Variants in LRRC8D observed in about 807,000 individuals in gnomAD.
The protein encoded by LRRC8D is leucine rich repeat containing 8 VRAC subunit D, also known as volume-regulated anion channel subunit LRRC8D.
In LRRC8D, 20 loss-of-function variants were observed where a neutral mutation model predicts 55.8. The observed-to-expected ratio is 0.36, with a 90% confidence interval of 0.25 to 0.52. LRRC8D has a LOEUF of 0.52. LRRC8D is among the 20% of genes least tolerant of loss of function. LRRC8D has a pLI of 0.93. For synonymous variants in LRRC8D, 352 were observed against 377.0 expected (o/e 0.93, Z 0.77); for missense variants, 651 against 1,030.8 (o/e 0.63, Z 5.05).
rs1557492135 is a variant in LRRC8D, at chr1:89,934,905, C to G, written c.1837C>G (p.Leu613Val). ...CAACATTACAGATGTGGCTCCACATCTTACAAAGTTAGTCATTCATAATGA... is the reference window on the plus strand; with the variant it reads ...CAACATTACAGATGTGGCTCCACATGTTACAAAGTTAGTCATTCATAATGA... ...PSNITDVAPH[L>V]TKLVIHNDGT... The change falls in exon 3 of 3, where the codon CTT (leucine) becomes GTT (valine). Residue 613 changes from leucine to valine, a missense_variant. This residue lies in a region of LRRC8D where 338 missense variants were observed against 479.4 expected (regional missense o/e 0.71). Coordinates refer to ENST00000337338, the MANE Select transcript of LRRC8D (RefSeq NM_001134479.2). The surrounding 1 kb of genome is among the most constrained non-coding windows in gnomAD (Gnocchi z 5.9). The G allele has an allele frequency of 1.2e-6, 2 of 1,614,030 alleles. No homozygotes were observed. The highest frequency in any genetic ancestry group is 2.7e-5 in the African/African-American group (2 of 74,936).
intron 2 of LRRC8D, among the ~76,000 whole-genome samples, chr1:89,871,737 A>G (rs772235182): frequency 6.6e-6 from 1 of 152,230 alleles, no homozygotes; most frequent in Non-Finnish European, 1.5e-5. Flanking sequence ...ATTTGAAAAT[A>G]TTGGCAACCC....
At chr1:89,845,617 A>G (rs955253122) in intron 2 of LRRC8D, among the ~76,000 whole-genome samples, 3 of 151,718 alleles carry the variant, frequency 2.0e-5, no homozygotes, top group Admixed American at 6.5e-5. Context: ...TTGTATTTTT[A>G]GTAGAGACAG....
At chr1:89,921,250 A>G (rs1324612836) in intron 2 of LRRC8D, among the ~76,000 whole-genome samples, 1 of 152,168 alleles carries the variant, frequency 6.6e-6, no homozygotes. Flanking sequence ...AGGTAGGAGA[A>G]TCACCTGAGC....
intron 2 of LRRC8D, among the ~76,000 whole-genome samples, chr1:89,897,886 A>G (rs560536620): frequency 1.3e-5 from 2 of 152,228 alleles, no homozygotes; most frequent in African/African-American, 4.8e-5. Flanking sequence ...CAGTGGAGGT[A>G]GAGGCTGGGA....
At chr1:89,921,821 A>C (rs972121213) in intron 2 of LRRC8D, among the ~76,000 whole-genome samples, 1 of 151,128 alleles carries the variant, frequency 6.6e-6, no homozygotes, top group African/African-American at 2.4e-5. Context: ...TGGGATTACA[A>C]GCGTGAGCCA....
chr1:89,844,596 C>G (rs796273063), intron 2 of LRRC8D, among the ~76,000 whole-genome samples: 3 of 152,314 alleles, frequency 2.0e-5, no homozygotes, highest in African/African-American at 7.2e-5. Flanking sequence ...TGACTTTTCT[C>G]AAATTCACCA....
intron 2 of LRRC8D, among the ~76,000 whole-genome samples, chr1:89,894,403 G>A (rs975308488): frequency 6.6e-6 from 1 of 152,198 alleles, no homozygotes; most frequent in Non-Finnish European, 1.5e-5. Flanking sequence ...GGTATGAAGG[G>A]AAATGCTTGA....
intron 2 of LRRC8D, among the ~76,000 whole-genome samples, chr1:89,872,374 G>T (rs1054995775): frequency 3.9e-5 from 6 of 152,204 alleles, no homozygotes; most frequent in African/African-American, 1.4e-4. Context: ...GCCCAGTGGG[G>T]TGGAAAGCAA....
chr1:89,825,056 T>A (rs1331051482), intron 1 of LRRC8D, among the ~76,000 whole-genome samples: 1 of 152,216 alleles, frequency 6.6e-6, no homozygotes, highest in African/African-American at 2.4e-5. Flanking sequence ...TTGTTGTTGT[T>A]CCTTCTCAAT....
Position 89,933,115 on chromosome 1 carries a change from C to T in LRRC8D, c.47C>T (p.Thr16Ile). 6.2e-7 allele frequency: 1 copy of T among 1,613,252 alleles called. No homozygotes were observed. Among genetic ancestry groups the T allele is most frequent in the South Asian group, 1.1e-5 (1 of 91,056 alleles). ...GCATCACTTAATGACATTCAGCCAA[C>T]TTACCGAATCCTGAAACCATGGTGG... ...EVASLNDIQPTYRILKPWWDV... is the reference protein window; with the variant it reads ...EVASLNDIQPIYRILKPWWDV... Residue 16 changes from threonine to isoleucine, a missense_variant, in exon 3 of 3, where the codon ACT (threonine) becomes ATT (isoleucine). Transcript: ENST00000337338. This position sits in a 1 kb window ranked among gnomAD's most constrained non-coding sequence, Gnocchi z 7.0.
chr1:89,898,447 G>A (rs1261956643), intron 2 of LRRC8D, among the ~76,000 whole-genome samples: 1 of 152,198 alleles, frequency 6.6e-6, no homozygotes, highest in East Asian at 1.9e-4. Flanking sequence ...CTCACTTCCT[G>A]TGGATCAGGA....
chr1:89,843,957 C>T (rs1370708739), intron 2 of LRRC8D, among the ~76,000 whole-genome samples, 175 bp downstream of exon 2: 2 of 152,216 alleles, frequency 1.3e-5, no homozygotes, highest in Admixed American at 6.5e-5. Context: ...GCCCTGGGTT[C>T]GGGCCGGCGG....
intron 2 of LRRC8D, among the ~76,000 whole-genome samples, chr1:89,879,368 G>A (rs1285787075): frequency 2.0e-5 from 3 of 152,156 alleles, no homozygotes; most frequent in African/African-American, 4.8e-5. Context: ...TGAGCAGACC[G>A]ACATCAGCTC....
intron 1 of LRRC8D, among the ~76,000 whole-genome samples, chr1:89,827,573 A>C (rs1660794594): frequency 6.6e-6 from 1 of 152,140 alleles, no homozygotes; most frequent in East Asian, 1.9e-4. Context: ...TAAAAATATT[A>C]AGATTTCTAG....
intron 2 of LRRC8D, among the ~76,000 whole-genome samples, chr1:89,885,463 C>T (rs543174635): frequency 1.6e-4 from 24 of 152,288 alleles, no homozygotes; most frequent in African/African-American, 5.5e-4. Flanking sequence ...ATTTCATTTC[C>T]GCCTTGACAA....
chr1:89,888,202 A>ATT (rs1377731719), intron 2 of LRRC8D, among the ~76,000 whole-genome samples: 1 of 152,228 alleles, frequency 6.6e-6, no homozygotes, highest in Non-Finnish European at 1.5e-5. Flanking sequence ...ACCGACTTAA[A>ATT]TAACTTAGGA....
At position 89,839,366 on chromosome 1, in the gene LRRC8D, C is replaced by T. The variant is rs553568175; in HGVS notation, c.-147-4272C>T. ...GAGCTTAGAGAGATACCAGCTCAGG[C>T]CTGTAGCCACCCTGGCCCTACCTGC... is the stretch of plus-strand genomic sequence containing the variant. On this transcript the variant is annotated intron_variant, in intron 1 of 2. Transcript: ENST00000337338. 3.3e-5 allele frequency among the ~76,000 whole-genome samples: 5 copies of T among 152,314 alleles called. No homozygotes were observed. In the South Asian group the frequency reaches 1.0e-3, roughly 32 times the overall value.
rs560415925 is a variant in LRRC8D, at chr1:89,822,760, A to C, written c.-148+1469A>C. Among the ~76,000 whole-genome samples, 813 of 152,254 alleles carry C rather than the reference A, an allele frequency of 5.3e-3. 1 individual carries two copies. The highest frequency in any genetic ancestry group is 9.4e-3 in the Non-Finnish European group (638 of 68,012). On this transcript the variant is annotated intron_variant, in intron 1 of 2. Coordinates refer to ENST00000337338, the MANE Select transcript of LRRC8D (RefSeq NM_001134479.2). ...TACAGACCTGTGGGAAGAACCCTGC[A>C]CCATATCCTGTAAATGGGGTCCTCA...
intron 2 of LRRC8D, among the ~76,000 whole-genome samples, chr1:89,863,957 CT>C (rs1268047919): frequency 6.6e-6 from 1 of 152,176 alleles, no homozygotes; most frequent in Non-Finnish European, 1.5e-5. Flanking sequence ...GTCACTTGAA[CT>C]TGAGTCTGGT....
Sources: allele counts gnomAD v4.1 joint callset (sites outside exome capture counted in the v4.1 genomes callset), GRCh38; gene constraint gnomAD v4.1.1; regional missense constraint gnomAD v4.1.1; non-coding constraint Gnocchi (gnomAD v3.1); transcripts MANE v1.5; gene names NCBI Gene and HGNC (gene_info 2026-07-23, HGNC 2026-07-21).